Variants in MACROD2 observed in about 807,000 individuals in gnomAD.
The protein encoded by MACROD2 is mono-ADP ribosylhydrolase 2, also known as ADP-ribose glycohydrolase MACROD2.
In MACROD2, 36 loss-of-function variants were observed where a neutral mutation model predicts 70.4. The observed-to-expected ratio is 0.51, with a 90% CI of 0.39 to 0.68. The LOEUF (loss-of-function observed/expected upper bound fraction) is 0.68. Among genes scored for constraint, MACROD2 ranks in the 30% least tolerant of loss-of-function variants. The pLI is 0.00. For missense variants in MACROD2, 496 were observed against 538.4 expected (o/e 0.92, Z 0.78); for synonymous variants, 172 against 178.8 (o/e 0.96, Z 0.30).
At chr20:15,019,388 C>G (rs965267248) in intron 5 of MACROD2, among the ~76,000 whole-genome samples, 5 of 152,170 alleles carry the variant, frequency 3.3e-5, no homozygotes, top group Admixed American at 1.3e-4. Context: ...TGTTTGTAGT[C>G]CAGAAGCTGG....
chr20:15,359,134 A>T (rs2146240686), intron 6 of MACROD2, among the ~76,000 whole-genome samples: 1 of 152,314 alleles, frequency 6.6e-6, no homozygotes. Flanking sequence ...CTTAGAATTT[A>T]ATTAAATTAC....
intron 5 of MACROD2, among the ~76,000 whole-genome samples, chr20:15,159,585 A>G (rs1046087235): frequency 1.3e-5 from 2 of 151,812 alleles, no homozygotes; most frequent in Middle Eastern, 3.2e-3. Context: ...GGAGCAGACA[A>G]TCATTTATTT....
At chr20:14,677,237 G>A (rs1013012608) in intron 4 of MACROD2, among the ~76,000 whole-genome samples, 1 of 152,000 alleles carries the variant, frequency 6.6e-6, no homozygotes, top group Non-Finnish European at 1.5e-5. Flanking sequence ...TATTTCTTTT[G>A]CCTTTATTTA....
At chr20:14,295,428 G>T (rs748139808) in intron 3 of MACROD2, among the ~76,000 whole-genome samples, 1 of 151,842 alleles carries the variant, frequency 6.6e-6, no homozygotes, top group South Asian at 2.1e-4. Flanking sequence ...CCTCTCTGAG[G>T]CTGATTTCAG....
intron 2 of MACROD2, chr20:14,051,679 A>G: frequency 2.9e-6 from 1 of 345,446 alleles, no homozygotes; most frequent in Non-Finnish European, 5.6e-6. Context: ...AAAATAATGA[A>G]TGGTAAAGAG....
chr20:14,861,317 T>A (rs927237675), intron 5 of MACROD2, among the ~76,000 whole-genome samples: 2 of 152,052 alleles, frequency 1.3e-5, no homozygotes, highest in Non-Finnish European at 2.9e-5. Context: ...TTGTTCTCAG[T>A]CTTGTCTACT....
chr20:14,975,691 G>T (rs1408307444), intron 5 of MACROD2, among the ~76,000 whole-genome samples: 1 of 152,166 alleles, frequency 6.6e-6, no homozygotes. Flanking sequence ...CTAGGAGGTT[G>T]TCAGGGTGGG....
intron 8 of MACROD2, among the ~76,000 whole-genome samples, chr20:15,581,913 G>T (rs1209037155): frequency 6.6e-6 from 1 of 152,206 alleles, no homozygotes; most frequent in East Asian, 1.9e-4. Context: ...CTTGAGCGTA[G>T]GAGTTTAAGA....
chr20:15,405,434 C>A (rs2045987409), intron 6 of MACROD2, among the ~76,000 whole-genome samples: 1 of 152,148 alleles, frequency 6.6e-6, no homozygotes, highest in African/African-American at 2.4e-5. Context: ...ATGGGCCCAG[C>A]ACCGTGGTGT....
chr20:15,421,624 A>G (rs971420992), intron 6 of MACROD2, among the ~76,000 whole-genome samples: 12 of 152,202 alleles, frequency 7.9e-5, no homozygotes, highest in Non-Finnish European at 1.5e-5. Flanking sequence ...TGTAAGCTCC[A>G]ATTTGTATAG....
At chr20:14,066,850 C>T (rs1321664862) in intron 2 of MACROD2, among the ~76,000 whole-genome samples, 38 of 139,988 alleles carry the variant, frequency 2.7e-4, no homozygotes, top group African/African-American at 8.8e-4. Flanking sequence ...TTGCTCTGTC[C>T]GCCCAGGCTG....
At chr20:15,446,792 A>G (rs1455453756) in intron 7 of MACROD2, among the ~76,000 whole-genome samples, 1 of 152,100 alleles carries the variant, frequency 6.6e-6, no homozygotes, top group Non-Finnish European at 1.5e-5. Context: ...AACTTTGCAA[A>G]TATTTTATCT....
At chr20:15,416,838 G>T (rs566013724) in intron 6 of MACROD2, among the ~76,000 whole-genome samples, 1 of 152,226 alleles carries the variant, frequency 6.6e-6, no homozygotes, top group East Asian at 1.9e-4. Context: ...GGGAGGCAGA[G>T]CTTGCAGTGA....
At chr20:15,034,659 C>T (rs766215246) in intron 5 of MACROD2, among the ~76,000 whole-genome samples, 5 of 151,940 alleles carry the variant, frequency 3.3e-5, no homozygotes, top group Non-Finnish European at 5.9e-5. Flanking sequence ...AATTTGTTTG[C>T]CCATGATATA....
Position 15,486,591 on chromosome 20 carries a change from G to A in MACROD2, c.572-13183G>A, listed in dbSNP as rs140274460. 2.9e-3 allele frequency among the ~76,000 whole-genome samples: 440 copies of A among 152,232 alleles called. 3 individuals are homozygous for A. The highest frequency in any genetic ancestry group is 0.01 in the African/African-American group (423 of 41,560). On this transcript the variant is annotated intron_variant, in intron 7 of 17. Transcript: ENST00000684519. ...CAGGGGAAGGATTCAATGCCTGGTA[G>A]GTCTGACTCTAAAGCCAGGGTTTCT...
chr20:14,967,656 TC>T (rs1472897033), intron 5 of MACROD2, among the ~76,000 whole-genome samples: 1 of 152,194 alleles, frequency 6.6e-6, no homozygotes, highest in Non-Finnish European at 1.5e-5. Flanking sequence ...AATGATTGTT[TC>T]CTGTTTAAGT....
At chr20:15,125,169 T>A (rs1267066571) in intron 5 of MACROD2, among the ~76,000 whole-genome samples, 2 of 152,076 alleles carry the variant, frequency 1.3e-5, no homozygotes, top group Non-Finnish European at 2.9e-5. Context: ...AATCCCTATA[T>A]ATATATTAAG....
At chr20:15,056,551 G>A (rs557759674) in intron 5 of MACROD2, among the ~76,000 whole-genome samples, 4 of 152,074 alleles carry the variant, frequency 2.6e-5, no homozygotes, top group South Asian at 2.1e-4. Context: ...GAGATGGCAC[G>A]TTTCTTTCCC....
chr20:14,930,092 G>A (rs2074279352), intron 5 of MACROD2, among the ~76,000 whole-genome samples: 1 of 150,348 alleles, frequency 6.7e-6, no homozygotes, highest in Non-Finnish European at 1.5e-5. Context: ...AACCCGGGAG[G>A]CGGAGCTTGC....
Sources: gnomAD v4.1 joint callset for allele counts (sites outside exome capture counted in the v4.1 genomes callset) on GRCh38, gnomAD v4.1.1 for gene constraint, MANE v1.5 for transcripts, NCBI Gene and HGNC (gene_info 2026-07-23, HGNC 2026-07-21) for gene names.